The following ZFYVE9 variants were observed in gnomAD, a reference collection of about 807,000 sequenced individuals.
ZFYVE9 encodes zinc finger FYVE domain-containing protein 9.
ZFYVE9 carries 43 observed loss-of-function variants against 126.7 expected under a neutral mutation model. That is an observed-to-expected ratio of 0.34 (90% confidence interval 0.27 to 0.44). ZFYVE9 has a LOEUF of 0.44. ZFYVE9 is among the 20% of genes least tolerant of loss of function. The pLI, the probability that ZFYVE9 is intolerant of heterozygous loss-of-function variation, is 1.00. For missense variants in ZFYVE9, 1,476 were observed against 1,697.0 expected, an observed-to-expected ratio of 0.87 and a Z score of 2.29; for synonymous variants, 521 against 597.4, an observed-to-expected ratio of 0.87 and a Z score of 1.87.
intron 2 of ZFYVE9, among the ~76,000 whole-genome samples, chr1:52,229,624 T>C (rs748729411): frequency 1.9e-4 from 29 of 152,214 alleles, no homozygotes; most frequent in Non-Finnish European, 3.2e-4. Context: ...TTAATTGAAA[T>C]AGATACCACA....
At chr1:52,336,368 GT>G (rs34890800) in intron 15 of ZFYVE9, among the ~76,000 whole-genome samples, 8 of 114,582 alleles carry the variant, frequency 7.0e-5, no homozygotes, top group African/African-American at 1.4e-4. Context: ...GGTTTTTTTT[GT>G]TTTTTTTTTT....
chr1:52,171,070 A>G (rs1220340241), intron 1 of ZFYVE9, among the ~76,000 whole-genome samples: 3 of 151,738 alleles, frequency 2.0e-5, no homozygotes, highest in African/African-American at 7.3e-5. Flanking sequence ...TTACATATGT[A>G]TACATGTGCC....
intron 4 of ZFYVE9, among the ~76,000 whole-genome samples, chr1:52,254,378 T>TAAA (rs35072882): frequency 8.3e-6 from 1 of 120,690 alleles, no homozygotes; most frequent in African/African-American, 2.8e-5. Flanking sequence ...TTTACATTAC[T>TAAA]AAAAAAAAAA....
intron 17 of ZFYVE9, among the ~76,000 whole-genome samples, chr1:52,342,445 T>C (rs1268348273): frequency 2.6e-5 from 4 of 151,620 alleles, no homozygotes; most frequent in Admixed American, 2.6e-4. Flanking sequence ...TTTTTTTTTG[T>C]ATTTTTAGTA....
chr1:52,272,884 ACTC>A (rs939598497), intron 7 of ZFYVE9, among the ~76,000 whole-genome samples: 11 of 149,722 alleles, frequency 7.3e-5, no homozygotes, highest in African/African-American at 2.5e-4. Context: ...CTGATGTTGA[ACTC>A]CTGTCCTTAA....
chr1:52,160,710 G>A (rs1010659118), intron 1 of ZFYVE9: 20 of 430,022 alleles, frequency 4.7e-5, no homozygotes, highest in Non-Finnish European at 7.5e-5. Flanking sequence ...CACTGTGCCC[G>A]GCCTTGATGA....
At chr1:52,280,446 T>C (rs1197590781) in intron 9 of ZFYVE9, among the ~76,000 whole-genome samples, 1 of 152,102 alleles carries the variant, frequency 6.6e-6, no homozygotes, top group Admixed American at 6.6e-5. Context: ...ATGTCCTATT[T>C]AGGTACATAA....
intron 1 of ZFYVE9, among the ~76,000 whole-genome samples, chr1:52,166,979 TA>T (rs1195139474): frequency 3.9e-5 from 6 of 152,212 alleles, no homozygotes; most frequent in African/African-American, 9.6e-5. Context: ...TTGATCTTTA[TA>T]AAAAATAATT....
intron 13 of ZFYVE9, among the ~76,000 whole-genome samples, chr1:52,324,449 C>G (rs1051439179): frequency 6.6e-6 from 1 of 152,196 alleles, no homozygotes; most frequent in African/African-American, 2.4e-5. Flanking sequence ...TATATTCTTC[C>G]ACCTTTTCCA....
At chr1:52,278,466 T>G in intron 8 of ZFYVE9, 26 bp from the exon 9 acceptor site, 2 of 1,613,904 alleles carry the variant, frequency 1.2e-6, no homozygotes, top group Non-Finnish European at 1.7e-6. Flanking sequence ...TTAACCAATC[T>G]ATTACATTGT....
At position 52,237,571 on chromosome 1, in the gene ZFYVE9, A is replaced by C. The variant is rs1343760299; in HGVS notation, c.154A>C (p.Thr52Pro). The C allele has an allele frequency of 6.2e-7, 1 of 1,614,018 alleles. No individual in the cohort carries two copies. Among genetic ancestry groups the C allele is most frequent in the African/African-American group, 1.3e-5 (1 of 75,034 alleles). ...PPSHRLSFNP[T>P]LASVNESAVS... ...TTCTCACCGGCTGTCATTTAACCCT[A>C]CTTTGGCCAGTGTGAATGAATCTGC... Residue 52 changes from threonine to proline, a missense_variant, in exon 4 of 19, where the codon ACT becomes CCT. Thr to Pro is a conservative substitution (Grantham distance 38). Around this residue, in one of 2 missense-constraint regions of ZFYVE9, gnomAD observed 807 missense variants for 794.6 expected, o/e 1.02. Transcript: ENST00000287727.
intron 12 of ZFYVE9, among the ~76,000 whole-genome samples, chr1:52,297,725 T>C (rs188776074): frequency 1.4e-5 from 2 of 144,016 alleles, no homozygotes; most frequent in East Asian, 4.0e-4. Context: ...AAAAATTTTG[T>C]TTTGTTTTGT....
At chr1:52,162,423 G>A (rs531205892) in intron 1 of ZFYVE9, 12 of 269,502 alleles carry the variant, frequency 4.5e-5, no homozygotes, top group South Asian at 3.8e-4. Flanking sequence ...ATAGGTGTGC[G>A]CATTGTCTTG....
rs930856822 is a variant in ZFYVE9 at position 52,142,843 on chromosome 1, G to A, written c.-143+440G>A. Among the ~76,000 whole-genome samples the A allele has an allele frequency of 1.3e-5, 2 of 152,342 alleles. No individual in the cohort carries two copies. The highest frequency in any genetic ancestry group is 4.8e-5 in the African/African-American group (2 of 41,586). Reference sequence around the variant, plus strand: ...ATCCCGGTTGTGGCGGGGAAAGGGGGAGGAGAGGAAGGCCAGGGTGAGAAT... The same window carrying A: ...ATCCCGGTTGTGGCGGGGAAAGGGGAAGGAGAGGAAGGCCAGGGTGAGAAT... On this transcript the variant is annotated intron_variant, in intron 1 of 18. Coordinates refer to ENST00000287727, the MANE Select transcript of ZFYVE9 (RefSeq NM_004799.4). This position sits in a 1 kb window ranked among gnomAD's most constrained non-coding sequence, Gnocchi z 4.5.
At chr1:52,301,956 A>T (rs1045698600) in intron 12 of ZFYVE9, among the ~76,000 whole-genome samples, 2 of 152,190 alleles carry the variant, frequency 1.3e-5, no homozygotes, top group Non-Finnish European at 2.9e-5. Flanking sequence ...TGTTAATTCT[A>T]TCAATCTTTT....
At chr1:52,334,789 T>C in intron 15 of ZFYVE9, 21 bp downstream of exon 15, 2 of 1,610,792 alleles carry the variant, frequency 1.2e-6, no homozygotes, top group Non-Finnish European at 1.7e-6. Flanking sequence ...AATTGTTCAG[T>C]CCTCATAATA....
chr1:52,202,680 A>T (rs1644935054), intron 1 of ZFYVE9, among the ~76,000 whole-genome samples: 1 of 151,918 alleles, frequency 6.6e-6, no homozygotes. Context: ...AAATTATTTT[A>T]TGTATTCATT....
chr1:52,194,677 A>G (rs909605819), intron 1 of ZFYVE9, among the ~76,000 whole-genome samples: 5 of 152,174 alleles, frequency 3.3e-5, no homozygotes, highest in African/African-American at 1.2e-4. Flanking sequence ...ACTTGGCAGT[A>G]TTTATTAAAA....
At chr1:52,176,078 T>G (rs1395985645) in intron 1 of ZFYVE9, among the ~76,000 whole-genome samples, 1 of 152,244 alleles carries the variant, frequency 6.6e-6, no homozygotes, top group Non-Finnish European at 1.5e-5. Flanking sequence ...CACGCTGCTT[T>G]TTAGAGTTTC....
Sources: gnomAD v4.1 joint callset for allele counts (sites outside exome capture counted in the v4.1 genomes callset) on GRCh38, gnomAD v4.1.1 for gene constraint, gnomAD v4.1.1 regional missense constraint, Gnocchi (gnomAD v3.1) non-coding constraint, MANE v1.5 for transcripts, NCBI Gene and HGNC (gene_info 2026-07-23, HGNC 2026-07-21) for gene names.